Variants in TNRC18 observed in about 807,000 individuals in gnomAD.
TNRC18 encodes the protein trinucleotide repeat-containing gene 18 protein.
Under a neutral mutation model 226.7 loss-of-function variants are expected in TNRC18, and 69 were observed. The ratio of observed to expected loss-of-function variants is 0.30; its 90% CI spans 0.25 to 0.37. The LOEUF (loss-of-function observed/expected upper bound fraction) is 0.37, where lower values mean the gene tolerates loss of function less well. Ranked by LOEUF, TNRC18 falls within the 10% of genes least tolerant of loss-of-function variation. TNRC18 has a pLI of 1.00. For synonymous variants in TNRC18, 2,449 were observed against 1,927.6 expected (o/e 1.27, Z -7.09); for missense variants, 4,754 against 4,256.6 (o/e 1.12, Z -3.25).
intron 1 of TNRC18, among the ~76,000 whole-genome samples, chr7:5,421,700 C>G (rs1027578243): frequency 1.3e-5 from 2 of 152,184 alleles, no homozygotes; most frequent in African/African-American, 4.8e-5. Context: ...GCTCCCGGGA[C>G]CTGGCTCGGA....
intron 2 of TNRC18, among the ~76,000 whole-genome samples, chr7:5,416,091 G>A (rs1175325414): frequency 7.8e-5 from 11 of 140,530 alleles, no homozygotes; most frequent in Non-Finnish European, 1.1e-4. Context: ...CAGCCTGGGC[G>A]ACAGAGCAAG....
intron 24 of TNRC18, among the ~76,000 whole-genome samples, chr7:5,318,250 T>C (rs1788044077): frequency 6.6e-6 from 1 of 152,026 alleles, no homozygotes; most frequent in Admixed American, 6.6e-5. Context: ...AACTCCTGGG[T>C]TCAAGTGATC....
In TNRC18 at chr7:5,366,318, C is replaced by CTTTTTTTT. The variant is rs202053648; in HGVS notation, c.4220-3501_4220-3494dup. 4.7e-3 allele frequency among the ~76,000 whole-genome samples: 333 copies of CTTTTTTTT among 70,480 alleles called. 68 individuals are homozygous for CTTTTTTTT. Among genetic ancestry groups the CTTTTTTTT allele is most frequent in the African/African-American group, 0.013 (211 of 15,854 alleles). 46.2% of individuals were successfully genotyped at this position (70,480 alleles called of 152,430 possible). A position where few individuals can be genotyped will look rare whatever the true frequency, so the allele number is the denominator to read the frequency against. ...AATGCTTGTTTTGCTCTTCTTATAT[C>CTTTTTTTT]TTTTTTTTTTTTTTTTTTTTTTTTT... On this transcript the variant is annotated intron_variant, in intron 11 of 29. Transcript: ENST00000430969.
intron 10 of TNRC18, among the ~76,000 whole-genome samples, chr7:5,372,679 C>G (rs1455062242): frequency 1.3e-5 from 2 of 152,152 alleles, no homozygotes; most frequent in African/African-American, 2.4e-5. Context: ...GGCACCACTG[C>G]ACGGCAGCCT....
chr7:5,390,652 G>A lies in TNRC18; in HGVS notation c.344-24C>T, dbSNP rs67295626. ...GCCTGTAACAGAAAAGAGAAAAGCTGGGCTGGGCCAATTCGTGCTGCTCAC... is the reference window on the plus strand; with the variant it reads ...GCCTGTAACAGAAAAGAGAAAAGCTAGGCTGGGCCAATTCGTGCTGCTCAC... On this transcript the variant is annotated intron_variant, in intron 3 of 29. Coordinates refer to ENST00000430969, the MANE Select transcript of TNRC18 (RefSeq NM_001080495.3). 709,745 of 1,501,332 alleles carry A rather than the reference G, an allele frequency of 0.47. 175,234 individuals are homozygous for A. The highest frequency in any genetic ancestry group is 0.83 in the East Asian group (34,057 of 41,266). The allele number at this position is 1,501,332 out of a possible 1,614,324, so 93.0% of individuals were successfully genotyped here. A position where few individuals can be genotyped will look rare whatever the true frequency, so the allele number is the denominator to read the frequency against.
chr7:5,332,780 G>A lies in TNRC18; in HGVS notation c.5989C>T (p.Arg1997Cys). The A allele has an allele frequency of 6.6e-7, 1 of 1,513,880 alleles. No homozygotes were observed. Among genetic ancestry groups the A allele is most frequent in the Non-Finnish European group, 8.8e-7 (1 of 1,138,154 alleles). 93.8% of individuals were successfully genotyped at this position (1,513,880 alleles called of 1,614,324 possible). The change falls in exon 19 of 30, where the codon CGC becomes TGC. Residue 1997 changes from arginine (R) to cysteine (C), a missense_variant. Arg to Cys is a radical substitution (Grantham distance 180). Coordinates refer to ENST00000430969, the MANE Select transcript of TNRC18 (RefSeq NM_001080495.3). ...TGCAGGAAGATGCGCTCGCTGCGGC[G>A]CCGCGTCCACAGGTCGTCGTCGCTG... is the stretch of plus-strand genomic sequence containing the variant. ...EASDDDLWTRRRSERIFLHDA... is the reference protein window; with the variant it reads ...EASDDDLWTRCRSERIFLHDA...
chr7:5,377,082 G>C lies in TNRC18; in HGVS notation c.2462-89C>G. The C allele has an allele frequency of 2.7e-6, 4 of 1,497,940 alleles. No homozygotes were observed. The highest frequency in any genetic ancestry group is 2.7e-6 in the Non-Finnish European group (3 of 1,121,638). 92.8% of individuals were successfully genotyped at this position (1,497,940 alleles called of 1,614,324 possible). ...GCCCCAGCCCAGCACCACCTCCCAAGTCCTGAACCTCCTGGGGCCTCCAGT... is the reference window on the plus strand; with the variant it reads ...GCCCCAGCCCAGCACCACCTCCCAACTCCTGAACCTCCTGGGGCCTCCAGT... On this transcript the variant is annotated intron_variant, in intron 7 of 29. Coordinates refer to ENST00000430969, the MANE Select transcript of TNRC18 (RefSeq NM_001080495.3). The surrounding 1 kb of genome is among the most constrained non-coding windows in gnomAD (Gnocchi z 5.8).
intron 9 of TNRC18, among the ~76,000 whole-genome samples, chr7:5,374,771 G>A (rs900299606): frequency 3.9e-5 from 6 of 152,216 alleles, no homozygotes; most frequent in Admixed American, 6.5e-5. Flanking sequence ...CCAGGACCCC[G>A]GCCCTGCACG....
At chr7:5,356,814 G>C in intron 16 of TNRC18, 102 bp downstream of exon 16, 1 of 1,370,528 alleles carries the variant, frequency 7.3e-7, no homozygotes, top group Non-Finnish European at 9.5e-7. Context: ...GCGAGAGCGA[G>C]AGAGAGAGTG....
At chr7:5,329,888 A>G (rs1356306229) in intron 19 of TNRC18, 1 of 469,944 alleles carries the variant, frequency 2.1e-6, no homozygotes. Flanking sequence ...TGGCATCTGA[A>G]CAGCTGAATA....
At chr7:5,386,334 T>A (rs776712403) in intron 5 of TNRC18, among the ~76,000 whole-genome samples, 1 of 151,720 alleles carries the variant, frequency 6.6e-6, no homozygotes, top group Non-Finnish European at 1.5e-5. Flanking sequence ...TTCAGTACTT[T>A]CGGAGGCCAA....
At chr7:5,354,154 G>C (rs1338917757) in intron 16 of TNRC18, among the ~76,000 whole-genome samples, 1 of 152,044 alleles carries the variant, frequency 6.6e-6, no homozygotes, top group Non-Finnish European at 1.5e-5. Context: ...AGTGAGCCGA[G>C]ATCATGCCAC....
At chr7:5,368,508 C>CAA (rs780022460) in intron 11 of TNRC18, among the ~76,000 whole-genome samples, 1 of 151,516 alleles carries the variant, frequency 6.6e-6, no homozygotes, top group African/African-American at 2.4e-5. Context: ...ACTAAAAATA[C>CAA]AAAAAGATAG....
At position 5,357,177 on chromosome 7, in the gene TNRC18, G is replaced by A. The variant is rs753861731; in HGVS notation, c.4933C>T (p.Pro1645Ser). 2.1e-5 allele frequency: 33 copies of A among 1,605,594 alleles called. No homozygotes were observed. The highest frequency in any genetic ancestry group is 2.6e-5 in the Non-Finnish European group (31 of 1,176,126). The change falls in exon 16 of 30, where the codon CCC becomes TCC. Residue 1645 changes from proline (P) to serine (S), a missense_variant. Physicochemically the swap from Pro to Ser is moderately conservative, Grantham distance 74. Transcript: ENST00000430969. ...SLTKQDKLKSPFKFSDSAGGK... is the reference protein window; with the variant it reads ...SLTKQDKLKSSFKFSDSAGGK... ...CCAGCACTGTCCGAAAACTTGAAGG[G>A]CGACTTCAACTTGTCCTGCTTGGTG... is the stretch of plus-strand genomic sequence containing the variant.
rs1209108434 is a variant in TNRC18, at chr7:5,388,813, C to A, written c.1011G>T (p.Pro337=). 1 of 1,147,522 alleles carries A rather than the reference C, an allele frequency of 8.7e-7. No individual in the cohort carries two copies. 71.1% of individuals were successfully genotyped at this position (1,147,522 alleles called of 1,614,324 possible). A position where few individuals can be genotyped will look rare whatever the true frequency, so the allele number is the denominator to read the frequency against. Residue 337 remains proline, a synonymous_variant, in exon 5 of 30, where the codon CCG becomes CCT. Transcript: ENST00000430969. ...GAGGCCCCTTGGGGGGCGCGGGCGG[C>A]GGGGGCAGCGGTGAGGGGCAGGGGC... ...GPRPCPSPLP[P]PPAPPKGPPA...
chr7:5,391,257 AC>A (rs1780275442), intron 3 of TNRC18, among the ~76,000 whole-genome samples: 1 of 150,530 alleles, frequency 6.6e-6, no homozygotes. Flanking sequence ...CCCAAAGGCC[AC>A]CCCCTCACCA....
chr7:5,362,072 G>A (rs750781948), intron 12 of TNRC18, 39 bp from the exon 13 acceptor site: 20 of 1,603,414 alleles, frequency 1.2e-5, no homozygotes, highest in Non-Finnish European at 1.5e-5. Context: ...GGGTGAGGAT[G>A]CCACTGCCTA....
In TNRC18 at chr7:5,406,443, T is replaced by A. The variant is rs983423372; in HGVS notation, c.188-11848A>T. Among the ~76,000 whole-genome samples the A allele has an allele frequency of 2.0e-5, 3 of 150,610 alleles. No homozygotes were observed. The South Asian group carries it at 6.4e-4, about 32-fold the overall frequency. On this transcript the variant is annotated intron_variant, in intron 2 of 29. Transcript: ENST00000430969. Reference sequence around the variant, plus strand: ...CGCCACTGCACTGCAGCCTGGGTAATAGAGCGAGACTCTGTCTCAAAAAAA... The same window carrying A: ...CGCCACTGCACTGCAGCCTGGGTAAAAGAGCGAGACTCTGTCTCAAAAAAA...
chr7:5,379,282 C>G (rs1017858357), intron 5 of TNRC18, among the ~76,000 whole-genome samples: 3 of 151,776 alleles, frequency 2.0e-5, no homozygotes, highest in African/African-American at 7.3e-5. Context: ...CCCAGGTACT[C>G]GTGAGGCTGA....
Sources: gnomAD v4.1 joint callset for allele counts (sites outside exome capture counted in the v4.1 genomes callset) on GRCh38, gnomAD v4.1.1 for gene constraint, Gnocchi (gnomAD v3.1) non-coding constraint, MANE v1.5 for transcripts, NCBI Gene and HGNC (gene_info 2026-07-23, HGNC 2026-07-21) for gene names.